KLF12: variants seen among roughly 807,000 people sequenced by gnomAD.
KLF12 encodes the protein Krueppel-like factor 12.
A neutral mutation model predicts 37.8 loss-of-function variants in KLF12; 9 were observed. The observed-to-expected ratio is 0.24, with a 90% confidence interval of 0.14 to 0.42. KLF12 has a LOEUF of 0.42. Ranked by LOEUF, KLF12 falls within the 10% of genes least tolerant of loss-of-function variation. The pLI is 1.00. For synonymous variants in KLF12, 208 were observed against 202.1 expected, an observed-to-expected ratio of 1.03 and a Z score of -0.25; for missense variants, 411 against 516.0, an observed-to-expected ratio of 0.80 and a Z score of 1.97.
chr13:74,219,921 T>C, the KLF12 span, among the ~76,000 whole-genome samples: 1 of 150,798 alleles, frequency 6.6e-6, no homozygotes, highest in Admixed American at 6.6e-5. Flanking sequence ...CTTTTAAAAC[T>C]TCTTTTCTTT....
At chr13:74,229,898 A>G in the KLF12 span, among the ~76,000 whole-genome samples, 8 of 152,282 alleles carry the variant, frequency 5.3e-5, no homozygotes, top group South Asian at 1.7e-3. Context: ...AAAATGTGAC[A>G]TGTTTCCTTG....
At chr13:74,096,377 G>A (rs1875987936) in intron 1 of KLF12, among the ~76,000 whole-genome samples, 1 of 152,066 alleles carries the variant, frequency 6.6e-6, no homozygotes. Context: ...TATAACTACA[G>A]GAAGAAATCC....
chr13:74,287,619 C>T, the KLF12 span, among the ~76,000 whole-genome samples: 2 of 152,112 alleles, frequency 1.3e-5, no homozygotes, highest in Admixed American at 6.5e-5. Flanking sequence ...AAACACCATC[C>T]CTGTGATTTA....
chr13:74,170,259 GC>G, the KLF12 span, among the ~76,000 whole-genome samples: 3 of 152,116 alleles, frequency 2.0e-5, no homozygotes, highest in Non-Finnish European at 4.4e-5. Flanking sequence ...TTAACATTCT[GC>G]TCTCTGCTTT....
At chr13:73,731,459 TTAATGG>T (rs1284229659) in intron 6 of KLF12, among the ~76,000 whole-genome samples, 1 of 149,724 alleles carries the variant, frequency 6.7e-6, no homozygotes, top group Non-Finnish European at 1.5e-5. Flanking sequence ...TAAAATAAAC[TTAATGG>T]TAATGGAATT....
chr13:74,304,719 T>C, the KLF12 span, among the ~76,000 whole-genome samples: 1 of 151,756 alleles, frequency 6.6e-6, no homozygotes, highest in East Asian at 1.9e-4. Flanking sequence ...GAGGGTAAAA[T>C]GAAAGAAGAT....
chr13:73,846,681 A>C (rs554262578), intron 3 of KLF12, among the ~76,000 whole-genome samples: 5 of 152,170 alleles, frequency 3.3e-5, no homozygotes, highest in Non-Finnish European at 7.4e-5. Context: ...AATCTCTAGG[A>C]TTCTAACCCT....
chr13:73,980,319 T>C (rs976579384), intron 2 of KLF12, among the ~76,000 whole-genome samples: 3 of 152,198 alleles, frequency 2.0e-5, no homozygotes, highest in South Asian at 2.1e-4. Flanking sequence ...GAGTAGATAA[T>C]TGTTTATGCA....
intron 1 of KLF12, among the ~76,000 whole-genome samples, chr13:74,022,567 C>A (rs1435657300): frequency 3.5e-5 from 5 of 141,464 alleles, no homozygotes; most frequent in African/African-American, 1.4e-4. Context: ...TATACTTTTG[C>A]AACCTTACAC....
chr13:73,799,588 A>G (rs1275660301), intron 5 of KLF12, among the ~76,000 whole-genome samples: 5 of 152,134 alleles, frequency 3.3e-5, no homozygotes, highest in Admixed American at 6.6e-5. Flanking sequence ...CTTGGATAAT[A>G]AGTCTCATAA....
chr13:73,972,920 A>G (rs919631080), intron 2 of KLF12, among the ~76,000 whole-genome samples: 12 of 152,112 alleles, frequency 7.9e-5, no homozygotes, highest in Admixed American at 7.9e-4. Context: ...CATGCAGCAT[A>G]TGTATCTATC....
At chr13:73,929,866 C>G (rs1040358167) in intron 3 of KLF12, among the ~76,000 whole-genome samples, 4 of 152,166 alleles carry the variant, frequency 2.6e-5, no homozygotes, top group Non-Finnish European at 5.9e-5. Flanking sequence ...TGTCCATATC[C>G]TAGCAGCAAG....
chr13:74,243,181 C>T, the KLF12 span, among the ~76,000 whole-genome samples: 1 of 152,134 alleles, frequency 6.6e-6, no homozygotes, highest in African/African-American at 2.4e-5. Context: ...GTTCAACTCC[C>T]ACTTATGAGT....
chr13:74,119,334 A>C (rs1197253451), intron 1 of KLF12, among the ~76,000 whole-genome samples: 2 of 44,886 alleles, frequency 4.5e-5, no homozygotes, highest in South Asian at 1.9e-3. Context: ...TCTTATCGCA[A>C]AAAAAAAAAA....
intron 2 of KLF12, among the ~76,000 whole-genome samples, chr13:73,967,378 C>T (rs925742714): frequency 6.6e-6 from 1 of 152,136 alleles, no homozygotes; most frequent in South Asian, 2.1e-4. Context: ...GTATTCAACG[C>T]CAGAAGAATA....
chr13:74,015,778 C>G (rs756431985), intron 1 of KLF12, among the ~76,000 whole-genome samples: 18 of 152,176 alleles, frequency 1.2e-4, no homozygotes, highest in Non-Finnish European at 2.1e-4. Context: ...AGGTCTTAAA[C>G]TCTGAGACTA....
At chr13:73,961,839 A>ACAT (rs1375993536) in intron 2 of KLF12, among the ~76,000 whole-genome samples, 3 of 152,148 alleles carry the variant, frequency 2.0e-5, no homozygotes, top group African/African-American at 7.2e-5. Flanking sequence ...CAAAACACTA[A>ACAT]CATCAGCAAA....
chr13:73,743,830 GA>G (rs1299495806), intron 6 of KLF12, among the ~76,000 whole-genome samples: 1 of 152,116 alleles, frequency 6.6e-6, no homozygotes, highest in Non-Finnish European at 1.5e-5. Flanking sequence ...TGGTTTCTAA[GA>G]AAGTTACGCT....
intron 1 of KLF12, among the ~76,000 whole-genome samples, chr13:74,034,213 C>T (rs1893187395): frequency 6.6e-6 from 1 of 151,812 alleles, no homozygotes; most frequent in Non-Finnish European, 1.5e-5. Flanking sequence ...GAGGCACCCA[C>T]CACCATGCCT....
Sources: gnomAD v4.1 joint callset for allele counts (sites outside exome capture counted in the v4.1 genomes callset) on GRCh38, gnomAD v4.1.1 for gene constraint, MANE v1.5 for transcripts, NCBI Gene and HGNC (gene_info 2026-07-23, HGNC 2026-07-21) for gene names.